The following KRT33A variants were observed in gnomAD, a reference collection of about 807,000 sequenced individuals.
KRT33A encodes keratin 33A, also known as keratin, type I cuticular Ha3-I.
A neutral mutation model predicts 41.1 loss-of-function variants in KRT33A; 44 were observed. The ratio of observed to expected loss-of-function variants is 1.07; its 90% CI spans 0.84 to 1.38. KRT33A has a LOEUF of 1.38. Among genes scored for constraint, KRT33A ranks in the 40% most tolerant of loss-of-function variants. The pLI is 0.00. For synonymous variants in KRT33A, 229 were observed against 227.8 expected, an observed-to-expected ratio of 1.01 and a Z score of -0.05; for missense variants, 536 against 518.5, an observed-to-expected ratio of 1.03 and a Z score of -0.33.
chr17:41,350,516 C>T lies in KRT33A; in HGVS notation c.252G>A (p.Leu84=), dbSNP rs757821487. Residue 84 remains leucine, a synonymous_variant, in exon 1 of 7, where the codon CTG becomes CTA. Coordinates refer to ENST00000007735, the MANE Select transcript of KRT33A (RefSeq NM_004138.4). The part of the protein sequence containing the change: ...VRQLERDNAE[L]ENLIRERSQQ... ...GTGACCGCTCCCGGATGAGGTTCTC[C>T]AGCTCCGCGTTGTCCCGCTCCAGCT... The T allele has an allele frequency of 3.7e-6, 6 of 1,614,026 alleles. No homozygotes were observed. Among genetic ancestry groups the T allele is most frequent in the Non-Finnish European group, 5.1e-6 (6 of 1,180,044 alleles).
chr17:41,348,586 A>G lies in KRT33A; in HGVS notation c.485T>C (p.Leu162Pro). ...GGTCAGCTCATCCAGGATCCTGCGC[A>G]GGCCATTGATGTCCGACTCCACCAG... ...RQLVESDING[L>P]RRILDELTLC... The change falls in exon 3 of 7, where the codon CTG (leucine) becomes CCG (proline). Residue 162 changes from leucine to proline, a missense_variant. Physicochemically the swap from Leu to Pro is moderately conservative, Grantham distance 98 (BLOSUM62 -3). Coordinates refer to ENST00000007735, the MANE Select transcript of KRT33A (RefSeq NM_004138.4). 1.2e-6 allele frequency: 2 copies of G among 1,614,028 alleles called. No individual in the cohort carries two copies. Among genetic ancestry groups the G allele is most frequent in the South Asian group, 2.2e-5 (2 of 91,080 alleles).
Position 41,350,302 on chromosome 17 carries a change from T to A in KRT33A, c.348+118A>T, listed in dbSNP as rs1161040806. ...TTAGATGGGCCCTCAAAAAACAAAATGGAAAGGCCAGTTTTCAGCTTTTCA... is the reference window on the plus strand; with the variant it reads ...TTAGATGGGCCCTCAAAAAACAAAAAGGAAAGGCCAGTTTTCAGCTTTTCA... On this transcript the variant is annotated intron_variant, in intron 1 of 6. Transcript: ENST00000007735. The A allele has an allele frequency of 2.4e-6, 3 of 1,265,854 alleles. No homozygotes were observed. The South Asian group carries it at 4.6e-5, about 19-fold the overall frequency. 78.4% of individuals were successfully genotyped at this position (1,265,854 alleles called of 1,614,324 possible).
rs535206338 is a variant in KRT33A, at chr17:41,348,426, G to A, written c.588+57C>T. The A allele has an allele frequency of 1.4e-5, 22 of 1,589,608 alleles. No homozygotes were observed. In the African/African-American group the frequency reaches 2.8e-4, roughly 20 times the overall value. On this transcript the variant is annotated intron_variant, in intron 3 of 6. Coordinates refer to ENST00000007735, the MANE Select transcript of KRT33A (RefSeq NM_004138.4). ...ACTGACAGCCTGTCCTGGACCCTGT[G>A]GCAGTTGTGAAACAGGTCCTGGCTA...
chr17:41,350,564 G>A lies in KRT33A; in HGVS notation c.204C>T (p.Ala68=), dbSNP rs764605816. The part of the protein sequence containing the change: ...ETMQFLNDRL[A]SYLEKVRQLE... ...GCTGACGCACCTTCTCCAGGTAGCTGGCCAGGCGGTCGTTCAGGAACTGCA... is the reference window on the plus strand; with the variant it reads ...GCTGACGCACCTTCTCCAGGTAGCTAGCCAGGCGGTCGTTCAGGAACTGCA... The change falls in exon 1 of 7, where the codon GCC becomes GCT. Residue 68 remains alanine (A), a synonymous_variant. Transcript: ENST00000007735. 1.2e-6 allele frequency: 2 copies of A among 1,613,936 alleles called. No individual in the cohort carries two copies. The highest frequency in any genetic ancestry group is 1.3e-5 in the African/African-American group (1 of 74,886).
chr17:41,350,345 C>T (rs1243255075), intron 1 of KRT33A, 75 bp downstream of exon 1: 11 of 1,531,004 alleles, frequency 7.2e-6, no homozygotes, highest in Non-Finnish European at 9.8e-6. Context: ...CAAGAGCTTA[C>T]GTTGTTTCTC....
In KRT33A at chr17:41,347,188, C is replaced by T. The variant is rs754250148; in HGVS notation, c.623G>A (p.Arg208His). The T allele has an allele frequency of 7.5e-5, 121 of 1,612,762 alleles. No homozygotes were observed. Among genetic ancestry groups the T allele is most frequent in the South Asian group, 3.0e-4 (27 of 90,872 alleles). The stretch of plus-strand genomic sequence containing the variant: ...AGCAGCGTCCACCTCCACGTTGAGG[C>T]GGTCTCCAAGCTGGCAGCGCAGGGT... ...VNTLRCQLGD[R>H]LNVEVDAAPT... The change falls in exon 4 of 7, where the codon CGC becomes CAC. Residue 208 changes from arginine (R) to histidine (H), a missense_variant. Arg to His is a conservative substitution (Grantham distance 29, BLOSUM62 0). Transcript: ENST00000007735.
In KRT33A at chr17:41,350,704, C is replaced by A. The variant is rs1180861557; in HGVS notation, c.64G>T (p.Val22Leu). 38 of 1,612,172 alleles carry A rather than the reference C, an allele frequency of 2.4e-5. No individual in the cohort carries two copies. The highest frequency in any genetic ancestry group is 3.1e-5 in the Non-Finnish European group (37 of 1,179,944). The change falls in exon 1 of 7, where the codon GTG becomes TTG. Residue 22 changes from valine (V) to leucine (L), a missense_variant. Transcript: ENST00000007735. ...CRTSCSSRPC[V>L]PPSCHGCTLP... is the part of the protein sequence containing the mutation. The stretch of plus-strand genomic sequence containing the variant: ...GTGCAGCCGTGGCAGCTGGGGGGCA[C>A]ACAGGGCCGGGAGGAGCAGCTGGTG...
At chr17:41,347,627 C>A (rs1335983259) in intron 3 of KRT33A, among the ~76,000 whole-genome samples, 2 of 152,226 alleles carry the variant, frequency 1.3e-5, no homozygotes, top group Admixed American at 1.3e-4. Context: ...AGAGGAAATA[C>A]AGAATGCTTA....
In KRT33A at chr17:41,346,117, C is replaced by T; in HGVS notation, c.*2G>A. Reference sequence around the variant, plus strand: ...TTTCTTCTCCTCCTGGTTGTGGGGCCTCTAGTACCCAAATGTGTTGCAAGG... The same window carrying T: ...TTTCTTCTCCTCCTGGTTGTGGGGCTTCTAGTACCCAAATGTGTTGCAAGG... On this transcript the variant is annotated 3_prime_UTR_variant, in exon 7 of 7. Coordinates refer to ENST00000007735, the MANE Select transcript of KRT33A (RefSeq NM_004138.4). 3 of 1,604,278 alleles carry T rather than the reference C, an allele frequency of 1.9e-6. No individual in the cohort carries two copies. The highest frequency in any genetic ancestry group is 1.3e-5 in the African/African-American group (1 of 74,718).
Position 41,347,981 on chromosome 17 carries a change from C to A in KRT33A, c.588+502G>T, listed in dbSNP as rs72828137. 9.1e-3 allele frequency among the ~76,000 whole-genome samples: 1,383 copies of A among 152,328 alleles called. 7 individuals are homozygous for A. The highest frequency in any genetic ancestry group is 0.014 in the Non-Finnish European group (940 of 68,026). The stretch of plus-strand genomic sequence containing the variant: ...CTTGGATTTCAGGTTGCATAAAATA[C>A]ACGTCTTCTTTTTTGCCCAACTGAC... On this transcript the variant is annotated intron_variant, in intron 3 of 6. Transcript: ENST00000007735.
chr17:41,347,005 C>A lies in KRT33A; in HGVS notation c.751-36G>T, dbSNP rs568102339. 5.6e-6 allele frequency: 9 copies of A among 1,611,876 alleles called. No homozygotes were observed. In the South Asian group the frequency reaches 9.9e-5, roughly 18 times the overall value. On this transcript the variant is annotated intron_variant, in intron 4 of 6. Transcript: ENST00000007735. ...CAAGGGGAGAAAGGATCAGACCCTG[C>A]CTCCGGGGCCCTGGGGGGCCTCGGG...
At position 41,347,143 on chromosome 17, in the gene KRT33A, T is replaced by C. The variant is rs1348614889; in HGVS notation, c.668A>G (p.Gln223Arg). Reference sequence around the variant, plus strand: ...CTGACTCCTGGTCTCATTCAGGACCTGGTTCAGGTCCACAGTGGGAGCAGC... The same window carrying C: ...CTGACTCCTGGTCTCATTCAGGACCCGGTTCAGGTCCACAGTGGGAGCAGC... ...VDAAPTVDLN[Q>R]VLNETRSQYE... is the part of the protein sequence containing the mutation. Residue 223 changes from glutamine to arginine, a missense_variant, in exon 4 of 7, where the codon CAG (glutamine) becomes CGG (arginine). Physicochemically the swap from Gln to Arg is conservative, Grantham distance 43 (BLOSUM62 1). Transcript: ENST00000007735. 2 of 1,614,222 alleles carry C rather than the reference T, an allele frequency of 1.2e-6. No individual in the cohort carries two copies. The highest frequency in any genetic ancestry group is 1.7e-6 in the Non-Finnish European group (2 of 1,180,028).
chr17:41,350,400 C>G lies in KRT33A; in HGVS notation c.348+20G>C. The G allele has an allele frequency of 6.2e-7, 1 of 1,607,558 alleles. No individual in the cohort carries two copies. Among genetic ancestry groups the G allele is most frequent in the Non-Finnish European group, 8.5e-7 (1 of 1,174,794 alleles). On this transcript the variant is annotated intron_variant, in intron 1 of 6. Coordinates refer to ENST00000007735, the MANE Select transcript of KRT33A (RefSeq NM_004138.4). ...TCCCGACAACTTCCTACTGGAGGCA[C>G]TGTGTCGCCCACTCCTCACCTTCTG...
chr17:41,350,409 C>T lies in KRT33A; in HGVS notation c.348+11G>A. ...CTTCCTACTGGAGGCACTGTGTCGC[C>T]CACTCCTCACCTTCTGCTGGAGCTC... On this transcript the variant is annotated intron_variant, in intron 1 of 6. Transcript: ENST00000007735. 6.2e-7 allele frequency: 1 copy of T among 1,611,522 alleles called. No individual in the cohort carries two copies. The highest frequency in any genetic ancestry group is 8.5e-7 in the Non-Finnish European group (1 of 1,177,982).
rs376941504 is a variant in KRT33A at position 41,346,502 on chromosome 17, C to G, written c.1043G>C (p.Arg348Pro). Residue 348 changes from arginine to proline, a missense_variant, in exon 6 of 7, where the codon CGG becomes CCG. By Grantham distance (103) the Arg-to-Pro change is moderately radical. Coordinates refer to ENST00000007735, the MANE Select transcript of KRT33A (RefSeq NM_004138.4). Reference sequence around the variant, plus strand: ...GTACGTGTTGATCTCACACTCCAGCCGCGCCCGCACGTCCAGCAGCACCTG... The same window carrying G: ...GTACGTGTTGATCTCACACTCCAGCGGCGCCCGCACGTCCAGCAGCACCTG... The part of the protein sequence containing the change: ...EYQVLLDVRA[R>P]LECEINTYRS... 6.8e-6 allele frequency: 11 copies of G among 1,613,884 alleles called. No homozygotes were observed. The highest frequency in any genetic ancestry group is 9.3e-6 in the Non-Finnish European group (11 of 1,179,964).
rs1474713959 is a variant in KRT33A at position 41,350,768 on chromosome 17, G to A, written c.-1C>T. Reference sequence around the variant, plus strand: ...TGGGCAGGCCACAACTGTAAGACATGGTGCAGGGAGGGAGTGTCCAGCTGA... The same window carrying A: ...TGGGCAGGCCACAACTGTAAGACATAGTGCAGGGAGGGAGTGTCCAGCTGA... On this transcript the variant is annotated 5_prime_UTR_variant, in exon 1 of 7. Transcript: ENST00000007735. 2 of 1,609,584 alleles carry A rather than the reference G, an allele frequency of 1.2e-6. No homozygotes were observed. The highest frequency in any genetic ancestry group is 1.7e-6 in the Non-Finnish European group (2 of 1,178,356).
At chr17:41,347,292 C>G (rs2017441009) in intron 3 of KRT33A, 70 bp from the exon 4 acceptor site, 1 of 1,489,454 alleles carries the variant, frequency 6.7e-7, no homozygotes, top group Non-Finnish European at 9.0e-7. Context: ...GAATGCAATT[C>G]AACTTCTGAT....
chr17:41,347,109 G>A lies in KRT33A; in HGVS notation c.702C>T (p.Ala234=). The change falls in exon 4 of 7, where the codon GCC becomes GCT. Residue 234 remains alanine (A), a synonymous_variant. Coordinates refer to ENST00000007735, the MANE Select transcript of KRT33A (RefSeq NM_004138.4). ...VLNETRSQYE[A]LVETNRREVE... ...CTTCCCTGCGGTTGGTTTCCACCAG[G>A]GCCTCATACTGACTCCTGGTCTCAT... 6.2e-7 allele frequency: 1 copy of A among 1,614,148 alleles called. No homozygotes were observed. Among genetic ancestry groups the A allele is most frequent in the Non-Finnish European group, 8.5e-7 (1 of 1,180,008 alleles).
At chr17:41,348,709 G>A in intron 2 of KRT33A, 70 bp from the exon 3 acceptor site, 4 of 1,533,400 alleles carry the variant, frequency 2.6e-6, no homozygotes, top group Non-Finnish European at 2.7e-6. Context: ...CTTTGGTTTG[G>A]TTAGTCAGGC....
Sources: allele counts gnomAD v4.1 joint callset (sites outside exome capture counted in the v4.1 genomes callset), GRCh38; gene constraint gnomAD v4.1.1; transcripts MANE v1.5; gene names NCBI Gene and HGNC (gene_info 2026-07-23, HGNC 2026-07-21).